MRPL37: variants seen among roughly 807,000 people sequenced by gnomAD.
MRPL37 encodes mitochondrial ribosomal protein L37.
In MRPL37, 34 loss-of-function variants were observed where a neutral mutation model predicts 44.1. The observed-to-expected ratio is 0.77, with a 90% CI of 0.59 to 1.03. MRPL37 has a LOEUF of 1.03. Ranked by LOEUF, MRPL37 falls within the 50% of genes least tolerant of loss-of-function variation. The pLI is 0.00. For synonymous variants in MRPL37, 212 were observed against 219.5 expected, an observed-to-expected ratio of 0.97 and a Z score of 0.30; for missense variants, 532 against 543.7, an observed-to-expected ratio of 0.98 and a Z score of 0.21.
chr1:54,207,442 C>T (rs999850454), intron 3 of MRPL37: 1 of 152,196 alleles, frequency 6.6e-6, no homozygotes, highest in African/African-American at 2.4e-5. Context: ...TCTGGGATTT[C>T]AGGACATCTG....
chr1:54,218,149 C>T (rs753569506), intron 6 of MRPL37, 23 bp from the exon 7 acceptor site: 1 of 1,601,172 alleles, frequency 6.2e-7, no homozygotes, highest in South Asian at 1.1e-5. Flanking sequence ...TAGCAGGATC[C>T]TAATGAACCG....
At chr1:54,224,965 T>TACC (rs1414423852), downstream of MRPL37, among the ~76,000 whole-genome samples, 1 of 105,126 alleles carries the variant, frequency 9.5e-6, no homozygotes, top group South Asian at 3.0e-4. Context: ...AACCTCCCTG[T>TACC]GCCAACAGTC....
downstream of MRPL37, among the ~76,000 whole-genome samples, chr1:54,219,747 G>T (rs1368999538): frequency 6.6e-6 from 1 of 152,234 alleles, no homozygotes; most frequent in African/African-American, 2.4e-5. Context: ...TTTCTTCCAT[G>T]CTGTTGGTGA....
At chr1:54,209,417 G>C (rs1644148057) in intron 3 of MRPL37, among the ~76,000 whole-genome samples, 1 of 151,726 alleles carries the variant, frequency 6.6e-6, no homozygotes, top group Non-Finnish European at 1.5e-5. Flanking sequence ...GAGGATGAAG[G>C]CTTTAGACTT....
chr1:54,204,148 C>G (rs1052856119), intron 1 of MRPL37, among the ~76,000 whole-genome samples: 2 of 152,144 alleles, frequency 1.3e-5, no homozygotes, highest in Non-Finnish European at 2.9e-5. Flanking sequence ...TTTGGGAGGC[C>G]TAGGCAGGCA....
At chr1:54,224,188 A>G (rs773942733), downstream of MRPL37, among the ~76,000 whole-genome samples, 7 of 152,184 alleles carry the variant, frequency 4.6e-5, no homozygotes, top group Non-Finnish European at 8.8e-5. Context: ...GATACAGGTT[A>G]GTCGCAGCCT....
chr1:54,214,100 T>C (rs1033217827), intron 5 of MRPL37, among the ~76,000 whole-genome samples: 3 of 152,194 alleles, frequency 2.0e-5, no homozygotes, highest in African/African-American at 4.8e-5. Flanking sequence ...TGAATGTTGC[T>C]TTAACCCAGG....
chr1:54,210,078 C>G lies in MRPL37; in HGVS notation c.779C>G (p.Ser260Ter), dbSNP rs2100509101. 3 of 1,614,170 alleles carry G rather than the reference C, an allele frequency of 1.9e-6. No homozygotes were observed. In the Middle Eastern group the frequency reaches 4.9e-4, roughly 266 times the overall value. The change falls in exon 4 of 7, where the codon TCA becomes TGA. Residue 260 changes from serine to a stop codon, truncating the protein, a stop_gained. Coordinates refer to ENST00000360840, the MANE Select transcript of MRPL37 (RefSeq NM_016491.4). LOFTEE classifies it high-confidence loss of function. Reference protein sequence around the residue: ...NHVLETFYPISPIIDLHECNI... With the variant: ...NHVLETFYPI ...GTTCTAGAGACCTTCTACCCCATATCACCCATCATCGATCTTCATGAATGC... is the reference window on the plus strand; with the variant it reads ...GTTCTAGAGACCTTCTACCCCATATGACCCATCATCGATCTTCATGAATGC...
intron 1 of MRPL37, among the ~76,000 whole-genome samples, chr1:54,202,008 T>C (rs184396566): frequency 7.2e-5 from 11 of 151,750 alleles, no homozygotes; most frequent in Non-Finnish European, 1.3e-4. Context: ...AAGTTACTTT[T>C]TTTTTTTTTT....
At chr1:54,222,829 G>A (rs1033961872), downstream of MRPL37, among the ~76,000 whole-genome samples, 1 of 152,188 alleles carries the variant, frequency 6.6e-6, no homozygotes, top group Non-Finnish European at 1.5e-5. Context: ...CCAGAACAGA[G>A]CTCTTCCTGC....
chr1:54,200,605 G>A lies in MRPL37; in HGVS notation c.346+16G>A, dbSNP rs1392871558. 3 of 1,575,106 alleles carry A rather than the reference G, an allele frequency of 1.9e-6. No individual in the cohort carries two copies. The highest frequency in any genetic ancestry group is 1.2e-5 in the South Asian group (1 of 85,202). ...CTTCTCGAGGGTGAGGCCCCAGGAC[G>A]GGCGGCAAGGGACCGTGTTCCTCTA... On this transcript the variant is annotated intron_variant, in intron 1 of 6. Coordinates refer to ENST00000360840, the MANE Select transcript of MRPL37 (RefSeq NM_016491.4).
chr1:54,214,937 A>G (rs544617314), intron 5 of MRPL37, among the ~76,000 whole-genome samples: 19 of 152,334 alleles, frequency 1.2e-4, no homozygotes, highest in African/African-American at 4.3e-4. Flanking sequence ...TCTAAGGCCA[A>G]CAGCCCCAGT....
At chr1:54,208,595 A>G (rs2100507196) in intron 3 of MRPL37, among the ~76,000 whole-genome samples, 1 of 148,228 alleles carries the variant, frequency 6.7e-6, no homozygotes, top group East Asian at 2.0e-4. Flanking sequence ...CTCTAGTCTC[A>G]GTGCTCCTCT....
Position 54,216,998 on chromosome 1 carries a change from G to A in MRPL37, c.1194+654G>A, listed in dbSNP as rs548323520. ...TGCTGCACCCCACTGCTCAGCTGAC[G>A]GGGTCCAGGCCTGCTCTCTGTGTAG... On this transcript the variant is annotated intron_variant, in intron 6 of 6. Transcript: ENST00000360840. 2.4e-3 allele frequency among the ~76,000 whole-genome samples: 360 copies of A among 152,240 alleles called. 1 individual carries two copies. The highest frequency in any genetic ancestry group is 7.7e-3 in the African/African-American group (319 of 41,538).
chr1:54,210,295 T>G (rs1644155042), intron 4 of MRPL37, among the ~76,000 whole-genome samples, 164 bp downstream of exon 4: 1 of 152,176 alleles, frequency 6.6e-6, no homozygotes. Flanking sequence ...TACTATTATC[T>G]CCATTTCATA....
intron 1 of MRPL37, among the ~76,000 whole-genome samples, chr1:54,203,030 A>C (rs1429082301): frequency 6.6e-6 from 1 of 152,210 alleles, no homozygotes; most frequent in East Asian, 1.9e-4. Flanking sequence ...AAATTTGGGG[A>C]AAGTGAAGCT....
chr1:54,217,682 T>G (rs1644207571), intron 6 of MRPL37, among the ~76,000 whole-genome samples: 1 of 152,230 alleles, frequency 6.6e-6, no homozygotes, highest in Non-Finnish European at 1.5e-5. Context: ...TTCTTCCTGC[T>G]TTCTTCTTTT....
chr1:54,205,424 T>C lies in MRPL37; in HGVS notation c.646+14T>C. 1 of 1,602,762 alleles carries C rather than the reference T, an allele frequency of 6.2e-7. No homozygotes were observed. The highest frequency in any genetic ancestry group is 8.5e-7 in the Non-Finnish European group (1 of 1,170,224). The stretch of plus-strand genomic sequence containing the variant: ...CCTGGAACCGAGGTTGGTCATCTTG[T>C]ACACCAGAAAGCCTTGGTCTGTTTT... On this transcript the variant is annotated intron_variant, in intron 3 of 6. Transcript: ENST00000360840.
At chr1:54,216,649 C>T (rs1175792850) in intron 6 of MRPL37, among the ~76,000 whole-genome samples, 5 of 152,296 alleles carry the variant, frequency 3.3e-5, no homozygotes, top group African/African-American at 1.2e-4. Flanking sequence ...GTCTGGGAGG[C>T]TTCTTGCCTT....
Sources: gnomAD v4.1 joint callset for allele counts (sites outside exome capture counted in the v4.1 genomes callset) on GRCh38, gnomAD v4.1.1 for gene constraint, MANE v1.5 for transcripts, NCBI Gene and HGNC (gene_info 2026-07-23, HGNC 2026-07-21) for gene names.